The following BCAN variants were observed in gnomAD, a reference collection of about 807,000 sequenced individuals.
The protein encoded by BCAN is brevican core protein.
Under a neutral mutation model 92.4 loss-of-function variants are expected in BCAN, and 51 were observed. The ratio of observed to expected loss-of-function variants is 0.55; its 90% confidence interval spans 0.44 to 0.70. The LOEUF is 0.70. Among genes scored for constraint, BCAN ranks in the 30% least tolerant of loss-of-function variants. The probability of loss-of-function intolerance (pLI) is 0.00; values close to 1 mark genes in which losing one functional copy is unlikely to be tolerated. For synonymous variants in BCAN, 501 were observed against 505.2 expected (o/e 0.99, Z 0.11); for missense variants, 1,140 against 1,212.1 (o/e 0.94, Z 0.88).
At chr1:156,653,293 G>A in intron 8 of BCAN, 1 of 1,106,768 alleles carries the variant, frequency 9.0e-7, no homozygotes, top group Non-Finnish European at 1.1e-6. Flanking sequence ...GTCCCCTTTA[G>A]CTGCCTCCTA....
At chr1:156,652,103 G>GCAAGGAC in intron 7 of BCAN, 145 bp from the exon 8 acceptor site, 1 of 1,103,008 alleles carries the variant, frequency 9.1e-7, no homozygotes, top group Non-Finnish European at 1.3e-6. Flanking sequence ...CCAGTGTGGC[G>GCAAGGAC]CAAGGACCAC....
At position 156,642,307 on chromosome 1, in the gene BCAN, T is replaced by TCA. The variant is rs1226427155; in HGVS notation, c.-9+32_-9+33insCA. On this transcript the variant is annotated intron_variant, in intron 1 of 13. Transcript: ENST00000329117. This position sits in a 1 kb window ranked among gnomAD's most constrained non-coding sequence, Gnocchi z 4.2. ...GCCTCCGCAGCCCCGCCGCCCGCCG[T>TCA]GGGGTCGGGGACAGGGAGAAGGGAG... is the stretch of plus-strand genomic sequence containing the variant. The TCA allele has an allele frequency of 1.3e-5, 2 of 152,342 alleles. No homozygotes were observed. The highest frequency in any genetic ancestry group is 4.8e-5 in the African/African-American group (2 of 41,508). The allele number at this position is 152,342 out of a possible 1,614,324, so 9.4% of individuals were successfully genotyped here. A position where few individuals can be genotyped will look rare whatever the true frequency, so the allele number is the denominator to read the frequency against.
chr1:156,649,756 C>A (rs139238238), intron 6 of BCAN: 1 of 408,698 alleles, frequency 2.4e-6, no homozygotes, highest in Admixed American at 3.0e-5. Flanking sequence ...CTGGGACTCT[C>A]AGATGCAAAA....
intron 8 of BCAN, chr1:156,653,244 G>T (rs753831895): frequency 8.1e-7 from 1 of 1,230,804 alleles, no homozygotes; most frequent in Non-Finnish European, 1.0e-6. Flanking sequence ...TTCAGGGCTC[G>T]GCCTATTTTC....
At chr1:156,657,626 G>A (rs1233322265) in intron 10 of BCAN, 49 bp from the exon 11 acceptor site, 2 of 1,513,478 alleles carry the variant, frequency 1.3e-6, no homozygotes, top group Non-Finnish European at 9.0e-7. Context: ...GCGGGGAACG[G>A]CCGCCATCTG....
At position 156,647,009 on chromosome 1, in the gene BCAN, G is replaced by A. The variant is rs920060478; in HGVS notation, c.300G>A (p.Val100=). Residue 100 remains valine, a synonymous_variant, in exon 3 of 14, where the codon GTG becomes GTA. Transcript: ENST00000329117. The surrounding 1 kb of genome is among the most constrained non-coding windows in gnomAD (Gnocchi z 4.8). ...TGGCGCGGGGAGTGCGCGTCAAGGT[G>A]AACGAGGCCTACCGGTTCCGCGTGG... ...VLVARGVRVK[V]NEAYRFRVAL... The A allele has an allele frequency of 6.2e-7, 1 of 1,612,992 alleles. No individual in the cohort carries two copies. Among genetic ancestry groups the A allele is most frequent in the Non-Finnish European group, 8.5e-7 (1 of 1,179,670 alleles).
Position 156,648,783 on chromosome 1 carries a change from G to A in BCAN, c.985G>A (p.Val329Ile). The A allele has an allele frequency of 6.2e-7, 1 of 1,605,684 alleles. No homozygotes were observed. Among genetic ancestry groups the A allele is most frequent in the South Asian group, 1.1e-5 (1 of 90,806 alleles). ...GCGCTGTGGTGGGGGCTTGCCTGGT[G>A]TCAAGACTCTCTTCCTCTTCCCCAA... ...SQRCGGGLPGVKTLFLFPNQT... is the reference protein window; with the variant it reads ...SQRCGGGLPGIKTLFLFPNQT... Residue 329 changes from valine (V) to isoleucine (I), a missense_variant, in exon 6 of 14, where the codon GTC (valine) becomes ATC (isoleucine). Val to Ile is a conservative substitution (Grantham distance 29). Transcript: ENST00000329117.
At chr1:156,646,451 A>G (rs952907248) in intron 2 of BCAN, 6 of 492,450 alleles carry the variant, frequency 1.2e-5, no homozygotes, top group African/African-American at 7.7e-5. Context: ...TAAAGGGAGC[A>G]GACTGGGAAA....
chr1:156,647,373 C>A lies in BCAN; in HGVS notation c.467-135C>A. On this transcript the variant is annotated intron_variant, in intron 3 of 13. Transcript: ENST00000329117. The surrounding 1 kb of genome is among the most constrained non-coding windows in gnomAD (Gnocchi z 4.8). ...GGAGGACATTCTACCCACAATCTAA[C>A]TTAAGTCCCTCATGCTGTAGAGTGA... 2 of 1,135,186 alleles carry A rather than the reference C, an allele frequency of 1.8e-6. No homozygotes were observed. The highest frequency in any genetic ancestry group is 2.5e-6 in the Non-Finnish European group (2 of 811,482). 70.3% of individuals were successfully genotyped at this position (1,135,186 alleles called of 1,614,324 possible).
chr1:156,657,401 C>CCTCCAA (rs936087181), intron 10 of BCAN: 5 of 555,130 alleles, frequency 9.0e-6, no homozygotes, highest in African/African-American at 5.7e-5. Context: ...CCGTCGGCCT[C>CCTCCAA]CTCCAACTCC....
intron 8 of BCAN, chr1:156,653,536 T>C (rs756230710): frequency 3.3e-5 from 33 of 985,794 alleles, no homozygotes; most frequent in Non-Finnish European, 3.6e-5. Flanking sequence ...GTCTGTGTCA[T>C]GGGGAGCACT....
rs1161535321 is a variant in BCAN at position 156,657,044 on chromosome 1, C to T, written c.2157C>T (p.Tyr719=). The stretch of plus-strand genomic sequence containing the variant: ...AGGCAGAGACCCAGTGCCGGATGTA[C>T]GGCGCGCATCTGGCCAGCATCAGCA... ...WEEAETQCRM[Y]GAHLASISTP... The change falls in exon 10 of 14, where the codon TAC becomes TAT. Residue 719 remains tyrosine (Y), a synonymous_variant. Coordinates refer to ENST00000329117, the MANE Select transcript of BCAN (RefSeq NM_021948.5). The T allele has an allele frequency of 2.5e-6, 4 of 1,614,210 alleles. No homozygotes were observed. The highest frequency in any genetic ancestry group is 1.7e-5 in the Admixed American group (1 of 60,036).
chr1:156,647,377 A>G lies in BCAN; in HGVS notation c.467-131A>G, dbSNP rs1268487190. On this transcript the variant is annotated intron_variant, in intron 3 of 13. Transcript: ENST00000329117. The surrounding 1 kb of genome is among the most constrained non-coding windows in gnomAD (Gnocchi z 4.8). ...GACATTCTACCCACAATCTAACTTA[A>G]GTCCCTCATGCTGTAGAGTGAGCAC... 2 of 1,141,858 alleles carry G rather than the reference A, an allele frequency of 1.8e-6. No homozygotes were observed. The highest frequency in any genetic ancestry group is 2.4e-6 in the Non-Finnish European group (2 of 816,542). 70.7% of individuals were successfully genotyped at this position (1,141,858 alleles called of 1,614,324 possible).
In BCAN at chr1:156,656,372, G is replaced by A. The variant is rs1557992152; in HGVS notation, c.2033G>A (p.Gly678Glu). 1 of 1,384,596 alleles carries A rather than the reference G, an allele frequency of 7.2e-7. No homozygotes were observed. The highest frequency in any genetic ancestry group is 9.4e-7 in the Non-Finnish European group (1 of 1,066,750). The allele number at this position is 1,384,596 out of a possible 1,614,324, so 85.8% of individuals were successfully genotyped here. A position where few individuals can be genotyped will look rare whatever the true frequency, so the allele number is the denominator to read the frequency against. Residue 678 changes from glycine to glutamate, a missense_variant, in exon 9 of 14, where the codon GGG (glycine) becomes GAG (glutamate). By Grantham distance (98) the Gly-to-Glu change is moderately conservative (BLOSUM62 -2). Coordinates refer to ENST00000329117, the MANE Select transcript of BCAN (RefSeq NM_021948.5). Reference protein sequence around the residue: ...VRCLCLPGYGGDLCDVGLRFC... With the variant: ...VRCLCLPGYGEDLCDVGLRFC... The stretch of plus-strand genomic sequence containing the variant: ...TGCCTATGTCTGCCTGGCTATGGGG[G>A]GGACCTGTGCGATGTTGGTGAGTGT...
intron 7 of BCAN, 140 bp downstream of exon 7, chr1:156,651,829 C>T: frequency 2.6e-6 from 2 of 756,274 alleles, no homozygotes; most frequent in Non-Finnish European, 4.2e-6. Flanking sequence ...TGCAGGGCAC[C>T]TTTCCTGTCC....
intron 1 of BCAN, among the ~76,000 whole-genome samples, chr1:156,645,620 C>T (rs2102554413): frequency 6.6e-6 from 1 of 152,130 alleles, no homozygotes; most frequent in South Asian, 2.1e-4. Flanking sequence ...CTGGGAGGAG[C>T]AGATGGAATT....
At position 156,646,865 on chromosome 1, in the gene BCAN, C is replaced by T. The variant is rs746656759; in HGVS notation, c.156C>T (p.Ala52=). The change falls in exon 3 of 14, where the codon GCC becomes GCT. Residue 52 remains alanine (A), a synonymous_variant. Transcript: ENST00000329117. ...CACTGCAGGGCGTGCTCGGCGGCGCCCTCACCATCCCTTGCCACGTCCACT... is the reference window on the plus strand; with the variant it reads ...CACTGCAGGGCGTGCTCGGCGGCGCTCTCACCATCCCTTGCCACGTCCACT... ...DAPLQGVLGG[A]LTIPCHVHYL... 6.2e-7 allele frequency: 1 copy of T among 1,608,488 alleles called. No individual in the cohort carries two copies.
In BCAN at chr1:156,652,381, G is replaced by A; in HGVS notation, c.1431G>A (p.Glu477=). ...AAGAAGAGGAGGAGGTGGAGGATGA[G>A]GCTCTGTGGGCATGGCCCAGCGAGC... ...EEEEEEEVED[E]ALWAWPSELS... is the part of the protein sequence containing the mutation. The change falls in exon 8 of 14, where the codon GAG becomes GAA. Residue 477 remains glutamate (E), a synonymous_variant. Transcript: ENST00000329117. The A allele has an allele frequency of 2.5e-6, 4 of 1,611,390 alleles. No homozygotes were observed. The highest frequency in any genetic ancestry group is 2.2e-5 in the South Asian group (2 of 90,780).
At chr1:156,656,890 G>T (rs1377275535) in intron 9 of BCAN, 48 bp from the exon 10 acceptor site, 1 of 1,596,040 alleles carries the variant, frequency 6.3e-7, no homozygotes, top group Non-Finnish European at 8.6e-7. Flanking sequence ...AGGGGACCTG[G>T]CCCTCTGGGT....
Sources: allele counts gnomAD v4.1 joint callset (sites outside exome capture counted in the v4.1 genomes callset), GRCh38; gene constraint gnomAD v4.1.1; non-coding constraint Gnocchi (gnomAD v3.1); transcripts MANE v1.5; gene names NCBI Gene and HGNC (gene_info 2026-07-23, HGNC 2026-07-21).